The following PKD2 variants were observed in gnomAD, a reference collection of about 807,000 sequenced individuals.
PKD2 encodes polycystin 2, transient receptor potential cation channel.
A neutral mutation model predicts 105.9 loss-of-function variants in PKD2; 48 were observed. That is an observed-to-expected ratio of 0.45 (90% confidence interval 0.36 to 0.58). PKD2 has a LOEUF of 0.58. Ranked by LOEUF, PKD2 falls within the 20% of genes least tolerant of loss-of-function variation. The pLI is 0.00. For missense variants in PKD2, 1,078 were observed against 1,255.3 expected (o/e 0.86, Z 2.13); for synonymous variants, 464 against 481.1 (o/e 0.96, Z 0.46).
intron 6 of PKD2, among the ~76,000 whole-genome samples, chr4:88,047,135 G>A (rs939775759): frequency 1.3e-5 from 2 of 152,062 alleles, no homozygotes; most frequent in African/African-American, 4.8e-5. Flanking sequence ...GCTTTAGTAT[G>A]CCGTATGAGA....
At position 88,016,340 on chromosome 4, in the gene PKD2, TGAA is replaced by T. The variant is rs1578116438; in HGVS notation, c.596-3117_596-3115del. Reference sequence around the variant, plus strand: ...TGTTCTCCCTAACACCTGGAAACATTGAATACCTTCAATGCTGGGAAGTTAACT... The same window carrying T: ...TGTTCTCCCTAACACCTGGAAACATTTACCTTCAATGCTGGGAAGTTAACT... On this transcript the variant is annotated intron_variant, in intron 1 of 14. Coordinates refer to ENST00000237596, the MANE Select transcript of PKD2 (RefSeq NM_000297.4). Among the ~76,000 whole-genome samples, 4 of 152,298 alleles carry T rather than the reference TGAA, an allele frequency of 2.6e-5. No homozygotes were observed. The East Asian group carries it at 7.7e-4, about 29-fold the overall frequency.
intron 13 of PKD2, among the ~76,000 whole-genome samples, chr4:88,069,609 C>T (rs1720938601): frequency 1.3e-5 from 2 of 152,002 alleles, no homozygotes; most frequent in South Asian, 4.2e-4. Context: ...TATATATAGT[C>T]ATCTACATAT....
At position 88,076,734 on chromosome 4, in the gene PKD2, C is replaced by T. The variant is rs980543060; in HGVS notation, c.*1040C>T. On this transcript the variant is annotated 3_prime_UTR_variant, in exon 15 of 15. Transcript: ENST00000237596. ...GGTATGACGGCTCACGCCTGTAATCCCAGCACTTTGGGAGGCCGAAACAGG... is the reference window on the plus strand; with the variant it reads ...GGTATGACGGCTCACGCCTGTAATCTCAGCACTTTGGGAGGCCGAAACAGG... 2.0e-5 allele frequency: 3 copies of T among 152,112 alleles called. No individual in the cohort carries two copies. Among genetic ancestry groups the T allele is most frequent in the Non-Finnish European group, 2.9e-5 (2 of 68,036 alleles). 9.4% of individuals were successfully genotyped at this position (152,112 alleles called of 1,614,324 possible).
Position 88,043,325 on chromosome 4 carries a change from CA to C in PKD2, c.1189del (p.Arg397GlufsTer55). 6.2e-7 allele frequency: 1 copy of C among 1,613,630 alleles called. No homozygotes were observed. The highest frequency in any genetic ancestry group is 8.5e-7 in the Non-Finnish European group (1 of 1,179,662). ...GGAGCTGGCTATTATCTGGATTTGT[CA>C]AGAACAAGAGAGGAAACAGCTGCAC... Reference protein sequence around the residue: ...YSGAGYYLDLSRTREETAAQV... With the variant: ...YSGAGYYLDLXRTREETAAQV... On this transcript the variant is annotated frameshift_variant, in exon 5 of 15. Coordinates refer to ENST00000237596, the MANE Select transcript of PKD2 (RefSeq NM_000297.4). LOFTEE classifies it high-confidence loss of function.
chr4:88,043,180 T>A lies in PKD2; in HGVS notation c.1095-53T>A, dbSNP rs182445795. ...GGAACCAGCTGTCCTTGTAATTGCCTCAAGTGTTCCACTGATTGTAACTGT... is the reference window on the plus strand; with the variant it reads ...GGAACCAGCTGTCCTTGTAATTGCCACAAGTGTTCCACTGATTGTAACTGT... On this transcript the variant is annotated intron_variant, in intron 4 of 14. Transcript: ENST00000237596. The A allele has an allele frequency of 5.0e-5, 57 of 1,150,954 alleles. No homozygotes were observed. The African/African-American group carries it at 7.1e-4, about 14-fold the overall frequency. The allele number at this position is 1,150,954 out of a possible 1,614,324, so 71.3% of individuals were successfully genotyped here.
At chr4:88,040,355 A>T (rs193180311) in intron 4 of PKD2, among the ~76,000 whole-genome samples, 75 of 152,328 alleles carry the variant, frequency 4.9e-4, no homozygotes, top group Middle Eastern at 3.4e-3. Context: ...TAACTGCTGT[A>T]TTCTCAAAGC....
At chr4:88,062,322 T>A (rs555274174) in intron 10 of PKD2, among the ~76,000 whole-genome samples, 1 of 152,308 alleles carries the variant, frequency 6.6e-6, no homozygotes, top group Non-Finnish European at 1.5e-5. Flanking sequence ...CACTTCAGGA[T>A]CCTGAGTTGA....
At position 88,043,513 on chromosome 4, in the gene PKD2, A is replaced by AT. The variant is rs1176299535; in HGVS notation, c.1319+58dup. ...TTCTGTGTGGTTGTACATACATCCT[A>AT]TTCTGGGGTTAGCCAGAAAAACCTT... On this transcript the variant is annotated intron_variant, in intron 5 of 14. Coordinates refer to ENST00000237596, the MANE Select transcript of PKD2 (RefSeq NM_000297.4). 8.5e-6 allele frequency: 11 copies of AT among 1,288,214 alleles called. 1 individual carries two copies. In the East Asian group the frequency reaches 1.9e-4, roughly 22 times the overall value. 79.8% of individuals were successfully genotyped at this position (1,288,214 alleles called of 1,614,324 possible).
chr4:88,075,633 C>A lies in PKD2; in HGVS notation c.2846C>A (p.Ser949Tyr), dbSNP rs749666891. The change falls in exon 15 of 15, where the codon TCC becomes TAC. Residue 949 changes from serine to tyrosine, a missense_variant. Coordinates refer to ENST00000237596, the MANE Select transcript of PKD2 (RefSeq NM_000297.4). ...CCCAGAAGCTCCCGCCCATCTTCCT[C>A]CCAATCTACAGAAGGCATGGAAGGT... is the stretch of plus-strand genomic sequence containing the variant. ...PRPRSSRPSS[S>Y]QSTEGMEGAG... 1 of 1,614,134 alleles carries A rather than the reference C, an allele frequency of 6.2e-7. No individual in the cohort carries two copies. Among genetic ancestry groups the A allele is most frequent in the Non-Finnish European group, 8.5e-7 (1 of 1,180,010 alleles).
chr4:88,068,068 A>C lies in PKD2; in HGVS notation c.2522+7A>C, dbSNP rs749339902. On this transcript the variant is annotated splice_region_variant and intron_variant, in intron 13 of 14. Coordinates refer to ENST00000237596, the MANE Select transcript of PKD2 (RefSeq NM_000297.4). ...CTTACGAAGAGTTTCAAGTGTAAGT[A>C]TAAAGGAATTGGCAGAATTTGCGTT... is the stretch of plus-strand genomic sequence containing the variant. The C allele has an allele frequency of 1.2e-6, 2 of 1,613,500 alleles. No homozygotes were observed. The highest frequency in any genetic ancestry group is 1.1e-5 in the South Asian group (1 of 91,074).
chr4:88,038,165 A>G (rs1727408333), intron 3 of PKD2, 86 bp from the exon 4 acceptor site: 13 of 1,391,068 alleles, frequency 9.3e-6, no homozygotes, highest in Non-Finnish European at 9.2e-6. Context: ...AGAGTTGCCA[A>G]ATGCTTGGTT....
rs573296507 is a variant in PKD2, at chr4:88,024,409, A to G, written c.709+4838A>G. 8.6e-5 allele frequency among the ~76,000 whole-genome samples: 12 copies of G among 139,172 alleles called. No individual in the cohort carries two copies. In the South Asian group the frequency reaches 3.2e-3, roughly 37 times the overall value. 91.3% of individuals were successfully genotyped at this position (139,172 alleles called of 152,430 possible). ...GAAGCAGAGGTTGCAGTGAGCCAAG[A>G]TTGTACCACTGCACTCCAGCCTGGG... is the stretch of plus-strand genomic sequence containing the variant. On this transcript the variant is annotated intron_variant, in intron 2 of 14. Coordinates refer to ENST00000237596, the MANE Select transcript of PKD2 (RefSeq NM_000297.4).
chr4:88,025,349 T>C (rs1726917344), intron 2 of PKD2, among the ~76,000 whole-genome samples: 1 of 152,028 alleles, frequency 6.6e-6, no homozygotes, highest in Admixed American at 6.6e-5. Context: ...TCCCAATTAC[T>C]TGGGAGCCTG....
In PKD2 at chr4:88,072,253, G is replaced by T. The variant is rs375702657; in HGVS notation, c.2523-2559G>T. Among the ~76,000 whole-genome samples the T allele has an allele frequency of 6.3e-4, 96 of 152,084 alleles. No individual in the cohort carries two copies. In the South Asian group the frequency reaches 9.3e-3, roughly 15 times the overall value. On this transcript the variant is annotated intron_variant, in intron 13 of 14. Coordinates refer to ENST00000237596, the MANE Select transcript of PKD2 (RefSeq NM_000297.4). ...CCACCTCAGCCTCACAAAAGGCCGG[G>T]ATTACAGATATGCACCACCACGCCT... is the stretch of plus-strand genomic sequence containing the variant.
In PKD2 at chr4:88,055,015, A is replaced by G. The variant is rs551973720; in HGVS notation, c.1717-1071A>G. Among the ~76,000 whole-genome samples the G allele has an allele frequency of 9.3e-4, 141 of 152,298 alleles. 2 individuals carry two copies. Among genetic ancestry groups the G allele is most frequent in the African/African-American group, 3.2e-3 (135 of 41,558 alleles). On this transcript the variant is annotated intron_variant, in intron 7 of 14. Transcript: ENST00000237596. Reference sequence around the variant, plus strand: ...TCCACTGAGGCTTCTACTTAGAGCTACACAATCTGGGCAGCCATCCTCAGT... The same window carrying G: ...TCCACTGAGGCTTCTACTTAGAGCTGCACAATCTGGGCAGCCATCCTCAGT...
rs182445795 is a variant in PKD2, at chr4:88,043,180, T to G, written c.1095-53T>G. ...GGAACCAGCTGTCCTTGTAATTGCC[T>G]CAAGTGTTCCACTGATTGTAACTGT... is the stretch of plus-strand genomic sequence containing the variant. On this transcript the variant is annotated intron_variant, in intron 4 of 14. Transcript: ENST00000237596. The G allele has an allele frequency of 5.6e-5, 64 of 1,150,954 alleles. No homozygotes were observed. The Admixed American group carries it at 9.7e-4, about 17-fold the overall frequency. The allele number at this position is 1,150,954 out of a possible 1,614,324, so 71.3% of individuals were successfully genotyped here.
At chr4:88,061,504 G>A (rs1017595388) in intron 9 of PKD2, among the ~76,000 whole-genome samples, 22 of 152,224 alleles carry the variant, frequency 1.4e-4, no homozygotes, top group East Asian at 1.9e-4. Flanking sequence ...TTGGGAAGCC[G>A]AGGCGGGCAG....
At chr4:88,029,118 G>A (rs915542899) in intron 2 of PKD2, among the ~76,000 whole-genome samples, 4 of 152,094 alleles carry the variant, frequency 2.6e-5, no homozygotes, top group African/African-American at 9.7e-5. Flanking sequence ...AGGTCACGGG[G>A]GATGGCTCTT....
chr4:88,011,350 A>G (rs1726375282), intron 1 of PKD2, among the ~76,000 whole-genome samples: 1 of 150,992 alleles, frequency 6.6e-6, no homozygotes, highest in Non-Finnish European at 1.5e-5. Flanking sequence ...TCCTAGAGAA[A>G]CTATGAAGTA....
Sources: gnomAD v4.1 joint callset for allele counts (sites outside exome capture counted in the v4.1 genomes callset) on GRCh38, gnomAD v4.1.1 for gene constraint, MANE v1.5 for transcripts, NCBI Gene and HGNC (gene_info 2026-07-23, HGNC 2026-07-21) for gene names.